Variants in GOLGA1 observed in about 807,000 individuals in gnomAD.
GOLGA1 encodes golgin A1.
In GOLGA1, 63 loss-of-function variants were observed where a neutral mutation model predicts 119.7. The observed-to-expected ratio is 0.53, with a 90% CI of 0.43 to 0.65. The LOEUF (loss-of-function observed/expected upper bound fraction) is 0.65, where lower values mean the gene tolerates loss of function less well. Ranked by LOEUF, GOLGA1 falls within the 30% of genes least tolerant of loss-of-function variation. GOLGA1 has a pLI of 0.00. For missense variants in GOLGA1, 798 were observed against 912.8 expected (o/e 0.87, Z 1.62); for synonymous variants, 318 against 333.4 (o/e 0.95, Z 0.50).
At chr9:124,941,592 C>CT (rs1831026964), upstream of GOLGA1, among the ~76,000 whole-genome samples, 1 of 152,236 alleles carries the variant, frequency 6.6e-6, no homozygotes, top group Non-Finnish European at 1.5e-5. Flanking sequence ...GACCTTACAC[C>CT]TTGAGACCAG....
chr9:124,912,611 C>T (rs1479518656), intron 10 of GOLGA1, among the ~76,000 whole-genome samples: 4 of 152,126 alleles, frequency 2.6e-5, no homozygotes, highest in Middle Eastern at 3.2e-3. Flanking sequence ...GGCGCGATCT[C>T]GGCTCACTGC....
intron 12 of GOLGA1, among the ~76,000 whole-genome samples, chr9:124,904,396 A>G (rs899178924): frequency 5.9e-5 from 9 of 152,378 alleles, no homozygotes; most frequent in African/African-American, 2.2e-4. Flanking sequence ...ATCAAAAAGG[A>G]TATTCAGAAA....
intron 15 of GOLGA1, among the ~76,000 whole-genome samples, chr9:124,897,771 C>T (rs990776774): frequency 6.6e-6 from 1 of 152,176 alleles, no homozygotes; most frequent in Non-Finnish European, 1.5e-5. Context: ...AATGCTACTA[C>T]ATTAGTACCT....
At chr9:124,928,476 T>G (rs551287375) in intron 5 of GOLGA1, among the ~76,000 whole-genome samples, 191 bp from the exon 6 acceptor site, 10 of 152,350 alleles carry the variant, frequency 6.6e-5, no homozygotes, top group Non-Finnish European at 1.2e-4. Flanking sequence ...GACCACAGTT[T>G]TTGTTTGTTT....
At chr9:124,895,363 A>AGACC in intron 15 of GOLGA1, among the ~76,000 whole-genome samples, 1 of 144,418 alleles carries the variant, frequency 6.9e-6, no homozygotes, top group Non-Finnish European at 1.5e-5. Flanking sequence ...TCCACAACAG[A>AGACC]CTCTCCACAA....
chr9:124,923,037 A>C lies in GOLGA1; in HGVS notation c.561+58T>G. The C allele has an allele frequency of 4.1e-6, 5 of 1,227,158 alleles. No homozygotes were observed. The South Asian group carries it at 6.5e-5, about 16-fold the overall frequency. The allele number at this position is 1,227,158 out of a possible 1,614,324, so 76.0% of individuals were successfully genotyped here. A position where few individuals can be genotyped will look rare whatever the true frequency, so the allele number is the denominator to read the frequency against. ...CAGCAATTAGAGAGTGATGACTAGT[A>C]AAATCAGAGTGAATAATCATCTATT... On this transcript the variant is annotated intron_variant, in intron 8 of 22. Coordinates refer to ENST00000373555, the MANE Select transcript of GOLGA1 (RefSeq NM_002077.4).
chr9:124,884,016 ATTTTT>A (rs71492426), intron 19 of GOLGA1, among the ~76,000 whole-genome samples: 2 of 147,670 alleles, frequency 1.4e-5, no homozygotes, highest in Non-Finnish European at 3.0e-5. Context: ...GGGAAAAAAA[ATTTTT>A]TTTTTTTTGA....
intron 20 of GOLGA1, among the ~76,000 whole-genome samples, chr9:124,882,214 C>CCA (rs140546216): frequency 0.011 from 1,723 of 151,842 alleles, 86 homozygotes; most frequent in Admixed American, 0.083. Flanking sequence ...AAGCACTCTG[C>CCA]CACACACACA....
intron 19 of GOLGA1, among the ~76,000 whole-genome samples, chr9:124,887,109 G>A (rs997304613): frequency 1.3e-5 from 2 of 152,208 alleles, no homozygotes; most frequent in Non-Finnish European, 2.9e-5. Flanking sequence ...CGCAGGTGTC[G>A]GGAAGGCAGT....
In GOLGA1 at chr9:124,888,946, G is replaced by A. The variant is rs1013236726; in HGVS notation, c.1761+197C>T. Among the ~76,000 whole-genome samples, 26 of 152,146 alleles carry A rather than the reference G, an allele frequency of 1.7e-4. No individual in the cohort carries two copies. Among genetic ancestry groups the A allele is most frequent in the Admixed American group, 1.4e-3 (21 of 15,272 alleles). On this transcript the variant is annotated intron_variant, in intron 18 of 22. Coordinates refer to ENST00000373555, the MANE Select transcript of GOLGA1 (RefSeq NM_002077.4). The surrounding 1 kb of genome is among the most constrained non-coding windows in gnomAD (Gnocchi z 4.4). ...GATCTCCTGAACTCGTGATCCACCCGCCTCGGCCTCCCAAAGTGCTGGGAT... is the reference window on the plus strand; with the variant it reads ...GATCTCCTGAACTCGTGATCCACCCACCTCGGCCTCCCAAAGTGCTGGGAT...
chr9:124,920,475 G>A (rs1010261986), intron 10 of GOLGA1, among the ~76,000 whole-genome samples: 2 of 151,902 alleles, frequency 1.3e-5, no homozygotes, highest in African/African-American at 4.8e-5. Context: ...CCCTAATGTA[G>A]AAACAAATGT....
chr9:124,909,851 G>A (rs1374256112), intron 11 of GOLGA1, among the ~76,000 whole-genome samples: 2 of 152,048 alleles, frequency 1.3e-5, no homozygotes, highest in African/African-American at 2.4e-5. Context: ...TGCAACCTCC[G>A]CCTCCTGGGT....
At chr9:124,895,348 A>G (rs1379820675) in intron 15 of GOLGA1, among the ~76,000 whole-genome samples, 2 of 143,762 alleles carry the variant, frequency 1.4e-5, no homozygotes, top group African/African-American at 5.2e-5. Context: ...CACAACAGAG[A>G]ACCCTCCACA....
upstream of GOLGA1, among the ~76,000 whole-genome samples, chr9:124,941,893 C>T (rs1198501065): frequency 6.6e-6 from 1 of 152,186 alleles, no homozygotes; most frequent in Non-Finnish European, 1.5e-5. Context: ...CCAGCCTGGG[C>T]ACCGTGGCGA....
chr9:124,942,718 C>T (rs1465693902), upstream of GOLGA1: 1 of 152,160 alleles, frequency 6.6e-6, no homozygotes, highest in African/African-American at 2.4e-5. Context: ...TAGACACATT[C>T]CTAGAGAACA....
At chr9:124,897,829 T>C (rs1830013546) in intron 15 of GOLGA1, among the ~76,000 whole-genome samples, 1 of 152,166 alleles carries the variant, frequency 6.6e-6, no homozygotes, top group African/African-American at 2.4e-5. Context: ...GGTGCAGGCA[T>C]TCATCTATGG....
At position 124,921,734 on chromosome 9, in the gene GOLGA1, C is replaced by T; in HGVS notation, c.720G>A (p.Leu240=). The T allele has an allele frequency of 6.2e-7, 1 of 1,613,254 alleles. No individual in the cohort carries two copies. Among genetic ancestry groups the T allele is most frequent in the Non-Finnish European group, 8.5e-7 (1 of 1,179,536 alleles). ...LEELQRHYST[L]EEQRDHVIAS... is the part of the protein sequence containing the mutation. ...GACCAAGCAAGAACCTCTGCTCTTC[C>T]AGCGTTGAGTAGTGTCTCTGCAATT... The change falls in exon 9 of 23, where the codon CTG becomes CTA. Residue 240 remains leucine (L), a synonymous_variant. Coordinates refer to ENST00000373555, the MANE Select transcript of GOLGA1 (RefSeq NM_002077.4).
intron 10 of GOLGA1, among the ~76,000 whole-genome samples, chr9:124,916,836 A>C (rs1319950658): frequency 7.3e-6 from 1 of 136,348 alleles, no homozygotes; most frequent in Non-Finnish European, 1.5e-5. Context: ...TGATTGCACC[A>C]TTGCACTCCA....
In GOLGA1 at chr9:124,928,277, G is replaced by A. The variant is rs765595616; in HGVS notation, c.310C>T (p.Arg104Trp). 25 of 1,582,354 alleles carry A rather than the reference G, an allele frequency of 1.6e-5. No individual in the cohort carries two copies. The highest frequency in any genetic ancestry group is 3.4e-5 in the Admixed American group (2 of 59,326). The change falls in exon 6 of 23, where the codon CGG becomes TGG. Residue 104 changes from arginine to tryptophan, a missense_variant. Arg to Trp is a moderately radical substitution (Grantham distance 101). Transcript: ENST00000373555. The stretch of plus-strand genomic sequence containing the variant: ...GTCTCATTCTGCTCTTGAAATTTCC[G>A]CATGGAAGCTGTTAACAAAGAGGCT... ...ALEKHQDSSM[R>W]KFQEQNETFQ...
Sources: gnomAD v4.1 joint callset for allele counts (sites outside exome capture counted in the v4.1 genomes callset) on GRCh38, gnomAD v4.1.1 for gene constraint, Gnocchi (gnomAD v3.1) non-coding constraint, MANE v1.5 for transcripts, NCBI Gene and HGNC (gene_info 2026-07-23, HGNC 2026-07-21) for gene names.